The following CNBD2 variants were observed in gnomAD, a reference collection of about 807,000 sequenced individuals.
CNBD2 encodes the protein cyclic nucleotide-binding domain-containing protein 2.
CNBD2 carries 64 observed loss-of-function variants against 63.7 expected under a neutral mutation model. That is an observed-to-expected ratio of 1.00 (90% CI 0.82 to 1.24). CNBD2 has a LOEUF of 1.24. Ranked by LOEUF, CNBD2 falls within the 50% of genes most tolerant of loss-of-function variation. The pLI is 0.00. For missense variants in CNBD2, 691 were observed against 713.5 expected (o/e 0.97, Z 0.36); for synonymous variants, 229 against 255.4 (o/e 0.90, Z 0.99).
At chr20:35,968,064 GCAACTGTAT>G, upstream of CNBD2, among the ~76,000 whole-genome samples, 1 of 152,220 alleles carries the variant, frequency 6.6e-6, no homozygotes, top group Middle Eastern at 3.4e-3. Flanking sequence ...TGAGATGTTG[GCAACTGTAT>G]TTATGCTCAT....
At chr20:35,992,958 G>A (rs1279587429) in intron 7 of CNBD2, among the ~76,000 whole-genome samples, 2 of 152,060 alleles carry the variant, frequency 1.3e-5, no homozygotes, top group Non-Finnish European at 2.9e-5. Flanking sequence ...TGGGACCTCA[G>A]AAAGCTAGAG....
At chr20:36,000,411 C>T (rs2056880079) in intron 8 of CNBD2, among the ~76,000 whole-genome samples, 1 of 152,134 alleles carries the variant, frequency 6.6e-6, no homozygotes, top group African/African-American at 2.4e-5. Flanking sequence ...GAGTCTCACT[C>T]TGTTACGCAG....
At chr20:36,003,817 G>A (rs1025337532) in intron 8 of CNBD2, among the ~76,000 whole-genome samples, 8 of 151,586 alleles carry the variant, frequency 5.3e-5, no homozygotes, top group African/African-American at 1.7e-4. Flanking sequence ...GAGGCAGGAG[G>A]ATCATTTGAG....
intron 11 of CNBD2, among the ~76,000 whole-genome samples, chr20:36,027,763 C>T (rs991310579): frequency 6.6e-6 from 1 of 151,572 alleles, no homozygotes; most frequent in Non-Finnish European, 1.5e-5. Context: ...GCAAACTCTG[C>T]CTCCTGGCTT....
chr20:35,984,200 G>T, intron 5 of CNBD2, 62 bp downstream of exon 5: 1 of 1,523,628 alleles, frequency 6.6e-7, no homozygotes, highest in South Asian at 1.3e-5. Context: ...CAGGACTTCT[G>T]CTAGAACCTC....
intron 7 of CNBD2, among the ~76,000 whole-genome samples, chr20:35,992,186 C>T (rs2056756042): frequency 1.3e-5 from 2 of 151,948 alleles, no homozygotes. Context: ...TGGCGGGGAA[C>T]TCATTTCAAA....
At chr20:35,983,918 C>A in intron 4 of CNBD2, 64 bp from the exon 5 acceptor site, 1 of 1,586,006 alleles carries the variant, frequency 6.3e-7, no homozygotes, top group Non-Finnish European at 8.7e-7. Flanking sequence ...CAGTCCAGAG[C>A]TCCTCTCAGC....
intron 2 of CNBD2, 151 bp from the exon 3 acceptor site, chr20:35,975,798 C>G (rs2056508438): frequency 5.0e-6 from 3 of 596,552 alleles, no homozygotes; most frequent in Non-Finnish European, 9.0e-6. Flanking sequence ...GGCCTTCGAG[C>G]AGAGGCAGGC....
intron 8 of CNBD2, among the ~76,000 whole-genome samples, chr20:36,001,389 G>A (rs1344677543): frequency 3.5e-5 from 5 of 143,690 alleles, no homozygotes; most frequent in African/African-American, 5.3e-5. Context: ...CCTCCCTCCC[G>A]GACAGGGCGG....
At chr20:35,968,899 G>T in intron 1 of CNBD2, 86 bp downstream of exon 1, 1 of 1,056,012 alleles carries the variant, frequency 9.5e-7, no homozygotes. Context: ...GGTGTAGGAG[G>T]GGTCTTGGAT....
chr20:35,983,907 C>G, intron 4 of CNBD2, 75 bp from the exon 5 acceptor site: 3 of 1,555,420 alleles, frequency 1.9e-6, no homozygotes, highest in Non-Finnish European at 2.7e-6. Flanking sequence ...AAGAGCACAA[C>G]CAGTCCAGAG....
At chr20:35,958,534 A>G (rs1453146659), downstream of CNBD2, among the ~76,000 whole-genome samples, 1 of 152,228 alleles carries the variant, frequency 6.6e-6, no homozygotes, top group Non-Finnish European at 1.5e-5. Context: ...AGTTTTCCCT[A>G]ATGGTAACAT....
At chr20:36,012,673 A>C (rs2057078069) in intron 10 of CNBD2, among the ~76,000 whole-genome samples, 1 of 151,246 alleles carries the variant, frequency 6.6e-6, no homozygotes. Context: ...TAAAAATGCA[A>C]AATTAGCCAG....
chr20:36,017,944 G>GC (rs1342698089), intron 10 of CNBD2, among the ~76,000 whole-genome samples: 2 of 152,134 alleles, frequency 1.3e-5, no homozygotes, highest in African/African-American at 4.8e-5. Flanking sequence ...CACTCCCCCT[G>GC]CCCCCACTAC....
chr20:36,007,294 G>T (rs2056998485), intron 8 of CNBD2, among the ~76,000 whole-genome samples: 1 of 151,922 alleles, frequency 6.6e-6, no homozygotes, highest in African/African-American at 2.4e-5. Flanking sequence ...TTTTATTTCT[G>T]AATTATATTT....
At position 35,983,965 on chromosome 20, in the gene CNBD2, C is replaced by CAGTG. The variant is rs2056630677; in HGVS notation, c.408-16_408-13dup. The CAGTG allele has an allele frequency of 5.0e-6, 8 of 1,614,020 alleles. No homozygotes were observed. Among genetic ancestry groups the CAGTG allele is most frequent in the Non-Finnish European group, 6.8e-6 (8 of 1,180,012 alleles). ...CCCATGTCACTACCCAATCAACTAG[C>CAGTG]AGTGGTCTTTTCCCAGGTTTGGTCG... On this transcript the variant is annotated splice_polypyrimidine_tract_variant and intron_variant, in intron 4 of 11. Transcript: ENST00000373973.
At chr20:35,996,502 CTTTTTGTTTTTT>C (rs1324847766) in intron 8 of CNBD2, among the ~76,000 whole-genome samples, 1 of 146,508 alleles carries the variant, frequency 6.8e-6, no homozygotes, top group Non-Finnish European at 1.5e-5. Flanking sequence ...TAATAGCTCT[CTTTTTGTTTTTT>C]TTTTTTTTTT....
intron 8 of CNBD2, among the ~76,000 whole-genome samples, chr20:36,003,728 T>C (rs1054003534): frequency 6.6e-6 from 1 of 152,168 alleles, no homozygotes; most frequent in African/African-American, 2.4e-5. Context: ...TCCCAATTTC[T>C]GTGAGTCAGA....
intron 8 of CNBD2, among the ~76,000 whole-genome samples, chr20:36,006,185 T>A (rs933556443): frequency 6.6e-6 from 1 of 151,016 alleles, no homozygotes; most frequent in Non-Finnish European, 1.5e-5. Flanking sequence ...TGCACCACCA[T>A]GCCCAGCTAA....
Sources: gnomAD v4.1 joint callset for allele counts (sites outside exome capture counted in the v4.1 genomes callset) on GRCh38, gnomAD v4.1.1 for gene constraint, MANE v1.5 for transcripts, NCBI Gene and HGNC (gene_info 2026-07-23, HGNC 2026-07-21) for gene names.